PDIA6: variants seen among roughly 807,000 people sequenced by gnomAD.
The protein encoded by PDIA6 is protein disulfide isomerase family A member 6.
PDIA6 carries 29 observed loss-of-function variants against 58.4 expected under a neutral mutation model. The ratio of observed to expected loss-of-function variants is 0.50; its 90% CI spans 0.37 to 0.68. PDIA6 has a LOEUF of 0.68. PDIA6 is among the 30% of genes least tolerant of loss of function. PDIA6 has a pLI of 0.00. For synonymous variants in PDIA6, 192 were observed against 202.6 expected (o/e 0.95, Z 0.44); for missense variants, 480 against 551.0 (o/e 0.87, Z 1.29).
At chr2:10,823,752 G>C (rs990518336) in intron 1 of PDIA6, among the ~76,000 whole-genome samples, 1 of 152,138 alleles carries the variant, frequency 6.6e-6, no homozygotes, top group Non-Finnish European at 1.5e-5. Context: ...CCCACTTCAG[G>C]AGGGGACACT....
chr2:10,783,975 G>A lies in PDIA6; in HGVS notation c.*283C>T. On this transcript the variant is annotated 3_prime_UTR_variant, in exon 13 of 13. Transcript: ENST00000272227. ...AACAGCCTCCAAGAACATTCAAGCAGCAGTCAGAGAGAAAAATGTTTCGAC... is the reference window on the plus strand; with the variant it reads ...AACAGCCTCCAAGAACATTCAAGCAACAGTCAGAGAGAAAAATGTTTCGAC... 3.8e-6 allele frequency: 1 copy of A among 260,274 alleles called. No individual in the cohort carries two copies. Among genetic ancestry groups the A allele is most frequent in the South Asian group, 1.4e-4 (1 of 7,002 alleles). The allele number at this position is 260,274 out of a possible 1,614,324, so 16.1% of individuals were successfully genotyped here. A position where few individuals can be genotyped will look rare whatever the true frequency, so the allele number is the denominator to read the frequency against.
At chr2:10,813,131 G>C (rs1667082319), upstream of PDIA6, among the ~76,000 whole-genome samples, 1 of 152,036 alleles carries the variant, frequency 6.6e-6, no homozygotes, top group South Asian at 2.1e-4. Context: ...TTGCCTGTGT[G>C]CGCCCCCACC....
chr2:10,790,862 T>G (rs752882248), intron 6 of PDIA6, 29 bp from the exon 7 acceptor site: 1 of 1,549,086 alleles, frequency 6.5e-7, no homozygotes, highest in Non-Finnish European at 8.9e-7. Context: ...TTTGTTTTGT[T>G]TCTTTGAGAC....
chr2:10,837,526 C>T (rs1228649465), exon 1 of PDIA6: 3 of 714,148 alleles, frequency 4.2e-6, no homozygotes, highest in East Asian at 2.7e-5. Context: ...ACACTTACCA[C>T]GATCCGAGCG....
At chr2:10,817,331 C>A (rs962079029), upstream of PDIA6, among the ~76,000 whole-genome samples, 1 of 152,216 alleles carries the variant, frequency 6.6e-6, no homozygotes, top group Non-Finnish European at 1.5e-5. Flanking sequence ...ACTATGGCTG[C>A]AAACCCCCTG....
At chr2:10,821,148 C>T (rs546285086) in intron 1 of PDIA6, 79 of 312,732 alleles carry the variant, frequency 2.5e-4, no homozygotes, top group Non-Finnish European at 4.1e-4. Context: ...TATGGCCCAG[C>T]TGAAATCCAC....
chr2:10,807,825 G>C (rs1292107014), intron 1 of PDIA6, among the ~76,000 whole-genome samples: 1 of 152,146 alleles, frequency 6.6e-6, no homozygotes. Context: ...TCAAATGTTA[G>C]ATCACTTAAT....
chr2:10,820,770 C>T, intron 1 of PDIA6: 1 of 703,042 alleles, frequency 1.4e-6, no homozygotes, highest in Middle Eastern at 2.3e-4. Context: ...AGTTCACTCA[C>T]ATGGCTGGAA....
In PDIA6 at chr2:10,802,439, G is replaced by A. The variant is rs138738761; in HGVS notation, c.161+60C>T. On this transcript the variant is annotated intron_variant, in intron 2 of 12. Coordinates refer to ENST00000272227, the MANE Select transcript of PDIA6 (RefSeq NM_005742.4). ...CTTAATAAAATCAGATTTTTATACA[G>A]CGTTTTCTCCAATTTCAGAAAGTAC... is the stretch of plus-strand genomic sequence containing the variant. The A allele has an allele frequency of 1.6e-5, 17 of 1,070,050 alleles. No homozygotes were observed. In the East Asian group the frequency reaches 4.0e-4, roughly 25 times the overall value. The allele number at this position is 1,070,050 out of a possible 1,614,324, so 66.3% of individuals were successfully genotyped here. A position where few individuals can be genotyped will look rare whatever the true frequency, so the allele number is the denominator to read the frequency against.
chr2:10,789,956 G>T, intron 7 of PDIA6, 67 bp from the exon 8 acceptor site: 21 of 1,414,220 alleles, frequency 1.5e-5, no homozygotes, highest in Admixed American at 6.1e-5. Context: ...AATCTTTACA[G>T]TTTCTAAAAC....
intron 11 of PDIA6, among the ~76,000 whole-genome samples, chr2:10,786,784 A>G (rs10197695): frequency 0.086 from 13,032 of 152,226 alleles, 1,896 homozygotes; most frequent in African/African-American, 0.3. Flanking sequence ...AGCAGAGCAG[A>G]GTAGACAGCT....
upstream of PDIA6, among the ~76,000 whole-genome samples, chr2:10,836,968 C>A (rs1306630564): frequency 6.6e-6 from 1 of 152,122 alleles, no homozygotes; most frequent in Non-Finnish European, 1.5e-5. Flanking sequence ...TTTTTGTCTT[C>A]TCATTCTGTT....
chr2:10,817,591 C>G (rs1229599358), upstream of PDIA6, among the ~76,000 whole-genome samples: 2 of 152,146 alleles, frequency 1.3e-5, no homozygotes, highest in East Asian at 3.8e-4. Context: ...GGTGGGCGCC[C>G]AAGGCCTTGC....
Position 10,784,969 on chromosome 2 carries a change from C to T in PDIA6, c.1219G>A (p.Val407Ile), listed in dbSNP as rs147882132. 7.2e-5 allele frequency: 115 copies of T among 1,592,842 alleles called. No homozygotes were observed. The highest frequency in any genetic ancestry group is 5.4e-4 in the Admixed American group (31 of 57,736). ...PVGGGAFPTI[V>I]EREPWDGRDG... is the part of the protein sequence containing the mutation. ...CTGCCGTCCCAAGGCTCTCTCTCAA[C>T]GATGGTAGGGAAAGCCCCGCCTCCT... Residue 407 changes from valine (V) to isoleucine (I), a missense_variant, in exon 12 of 13, where the codon GTT becomes ATT. Physicochemically the swap from Val to Ile is conservative, Grantham distance 29. Transcript: ENST00000272227.
In PDIA6 at chr2:10,784,970, G is replaced by C. The variant is rs541210055; in HGVS notation, c.1218C>G (p.Ile406Met). ...APVGGGAFPT[I>M]VEREPWDGRD... The stretch of plus-strand genomic sequence containing the variant: ...TGCCGTCCCAAGGCTCTCTCTCAAC[G>C]ATGGTAGGGAAAGCCCCGCCTCCTA... The change falls in exon 12 of 13, where the codon ATC (isoleucine) becomes ATG (methionine). Residue 406 changes from isoleucine (I) to methionine (M), a missense_variant. Transcript: ENST00000272227. 3.5e-5 allele frequency: 55 copies of C among 1,592,540 alleles called. No homozygotes were observed. Among genetic ancestry groups the C allele is most frequent in the Non-Finnish European group, 3.9e-5 (46 of 1,168,324 alleles).
chr2:10,801,643 C>A (rs1424809551), intron 2 of PDIA6, among the ~76,000 whole-genome samples: 1 of 152,238 alleles, frequency 6.6e-6, no homozygotes, highest in East Asian at 1.9e-4. Flanking sequence ...AATGTGGCAA[C>A]ATCCACTTTG....
chr2:10,818,109 G>A (rs12463454), intron 2 of PDIA6, among the ~76,000 whole-genome samples: 18,569 of 151,960 alleles, frequency 0.12, 1,468 homozygotes, highest in Non-Finnish European at 0.18. Context: ...GGCAGATGAA[G>A]CCTTTTAAAA....
chr2:10,787,097 G>T (rs1373351173), intron 11 of PDIA6, among the ~76,000 whole-genome samples, 184 bp downstream of exon 11: 1 of 152,032 alleles, frequency 6.6e-6, no homozygotes, highest in Non-Finnish European at 1.5e-5. Flanking sequence ...GTATTCCATG[G>T]AAAAAAGAAC....
chr2:10,794,792 T>G (rs568627780), intron 4 of PDIA6, among the ~76,000 whole-genome samples: 4 of 151,998 alleles, frequency 2.6e-5, no homozygotes, highest in Admixed American at 6.6e-5. Context: ...CCGGGTGTAG[T>G]GGTGCATGTC....
Sources: gnomAD v4.1 joint callset for allele counts (sites outside exome capture counted in the v4.1 genomes callset) on GRCh38, gnomAD v4.1.1 for gene constraint, MANE v1.5 for transcripts, NCBI Gene and HGNC (gene_info 2026-07-23, HGNC 2026-07-21) for gene names.